RND3: variants seen among roughly 807,000 people sequenced by gnomAD.
The protein encoded by RND3 is rho-related GTP-binding protein RhoE.
A neutral mutation model predicts 26.5 loss-of-function variants in RND3; 8 were observed. The observed-to-expected ratio is 0.30, with a 90% CI of 0.18 to 0.54. RND3 has a LOEUF of 0.54. Among genes scored for constraint, RND3 ranks in the 20% least tolerant of loss-of-function variants. RND3 has a pLI of 0.94. For synonymous variants in RND3, 113 were observed against 113.0 expected, an observed-to-expected ratio of 1.00 and a Z score of 0.00; for missense variants, 207 against 302.8, an observed-to-expected ratio of 0.68 and a Z score of 2.35.
chr2:150,475,493 G>A (rs559486500), intron 3 of RND3, among the ~76,000 whole-genome samples: 1 of 152,296 alleles, frequency 6.6e-6, no homozygotes, highest in East Asian at 1.9e-4. Context: ...TATTACTGCT[G>A]TTAAAAGCTG....
rs1355235766 is a variant in RND3 at position 150,482,856 on chromosome 2, TG to T, written c.238+3837del. On this transcript the variant is annotated intron_variant, in intron 3 of 5. Coordinates refer to ENST00000263895, the MANE Select transcript of RND3 (RefSeq NM_005168.5). ...AAAAGGGCACTGGGGTTCAAGGACCTGACAAAATTAGGTGCATCATGAGTTG... is the reference window on the plus strand; with the variant it reads ...AAAAGGGCACTGGGGTTCAAGGACCTACAAAATTAGGTGCATCATGAGTTG... 1.2e-4 allele frequency among the ~76,000 whole-genome samples: 18 copies of T among 152,110 alleles called. 1 individual carries two copies. The highest frequency in any genetic ancestry group is 1.1e-3 in the Admixed American group (17 of 15,280).
chr2:150,482,919 T>C (rs1361281112), intron 3 of RND3, among the ~76,000 whole-genome samples: 1 of 152,174 alleles, frequency 6.6e-6, no homozygotes, highest in African/African-American at 2.4e-5. Context: ...GAGCTTCTTT[T>C]TCTCCATTAC....
At chr2:150,476,891 C>A (rs948157399) in intron 3 of RND3, among the ~76,000 whole-genome samples, 1 of 152,160 alleles carries the variant, frequency 6.6e-6, no homozygotes, top group Non-Finnish European at 1.5e-5. Flanking sequence ...CATATTAGTT[C>A]TAAGAAGTTC....
chr2:150,487,164 T>C (rs1231252429), intron 2 of RND3, 104 bp downstream of exon 2: 40 of 878,702 alleles, frequency 4.6e-5, no homozygotes, highest in East Asian at 1.2e-4. Flanking sequence ...TTTTTTCTTT[T>C]TTTTTTTTTT....
At chr2:150,481,906 A>G (rs966708271) in intron 3 of RND3, among the ~76,000 whole-genome samples, 46 of 152,324 alleles carry the variant, frequency 3.0e-4, no homozygotes, top group Non-Finnish European at 5.0e-4. Flanking sequence ...TCTAAATATA[A>G]CAGCTTAGAT....
chr2:150,478,116 AATATTG>A (rs1249198688), intron 3 of RND3, among the ~76,000 whole-genome samples: 1 of 152,168 alleles, frequency 6.6e-6, no homozygotes, highest in African/African-American at 2.4e-5. Flanking sequence ...CACAGTGAAA[AATATTG>A]ATATAGAATT....
chr2:150,481,210 G>A (rs1428506076), intron 3 of RND3, among the ~76,000 whole-genome samples: 2 of 152,202 alleles, frequency 1.3e-5, no homozygotes, highest in Non-Finnish European at 2.9e-5. Context: ...GAGTTAGGGA[G>A]CCTGGGCTGC....
chr2:150,487,028 A>T (rs1686383955), intron 2 of RND3: 2 of 604,602 alleles, frequency 3.3e-6, no homozygotes, highest in Admixed American at 5.8e-5. Flanking sequence ...GCACACAGGA[A>T]CGAACAAGTT....
chr2:150,473,490 T>TAG (rs1331579716), intron 4 of RND3, among the ~76,000 whole-genome samples: 1 of 152,208 alleles, frequency 6.6e-6, no homozygotes, highest in Non-Finnish European at 1.5e-5. Context: ...GTAATGACTT[T>TAG]GGCCTCCCTC....
rs1686406166 is a variant in RND3 at position 150,487,475 on chromosome 2, ATATATAT to A, written c.-38-27_-38-21del. The A allele has an allele frequency of 2.9e-5, 5 of 169,996 alleles. No homozygotes were observed. Among genetic ancestry groups the A allele is most frequent in the South Asian group, 3.6e-4 (2 of 5,574 alleles). The allele number at this position is 169,996 out of a possible 1,614,324, so 10.5% of individuals were successfully genotyped here. ...TTTTCTCTTAAGAAGAAAAAAAAAAATATATATATATATATATATTTCTCTCTTTATA... is the reference window on the plus strand; with the variant it reads ...TTTTCTCTTAAGAAGAAAAAAAAAAAATATATATATATTTCTCTCTTTATA... On this transcript the variant is annotated intron_variant, in intron 1 of 5. Coordinates refer to ENST00000263895, the MANE Select transcript of RND3 (RefSeq NM_005168.5).
At position 150,486,571 on chromosome 2, in the gene RND3, G is replaced by A; in HGVS notation, c.238+123C>T. ...AGGGATACAATTTTCGCCCAACAGG[G>A]ACCGTGGGAATCCCTTGGGAGGGGC... On this transcript the variant is annotated intron_variant, in intron 3 of 5. Transcript: ENST00000263895. The surrounding 1 kb of genome is among the most constrained non-coding windows in gnomAD (Gnocchi z 4.5). The A allele has an allele frequency of 2.6e-6, 2 of 782,244 alleles. No individual in the cohort carries two copies. The highest frequency in any genetic ancestry group is 4.6e-6 in the Non-Finnish European group (2 of 433,124). 48.5% of individuals were successfully genotyped at this position (782,244 alleles called of 1,614,324 possible). A position where few individuals can be genotyped will look rare whatever the true frequency, so the allele number is the denominator to read the frequency against.
In RND3 at chr2:150,469,849, G is replaced by C; in HGVS notation, c.*138C>G. On this transcript the variant is annotated 3_prime_UTR_variant, in exon 6 of 6. Transcript: ENST00000263895. ...GAACCTAAGGTCAGGATTCCAAAAA[G>C]ATGAGTATCCTCTCAAACGCCTCCT... 2 of 915,508 alleles carry C rather than the reference G, an allele frequency of 2.2e-6. No homozygotes were observed. Among genetic ancestry groups the C allele is most frequent in the Non-Finnish European group, 3.2e-6 (2 of 617,248 alleles). 56.7% of individuals were successfully genotyped at this position (915,508 alleles called of 1,614,324 possible). A position where few individuals can be genotyped will look rare whatever the true frequency, so the allele number is the denominator to read the frequency against.
intron 4 of RND3, 121 bp downstream of exon 4, chr2:150,474,754 T>C (rs563450859): frequency 4.7e-5 from 25 of 526,872 alleles, no homozygotes; most frequent in Admixed American, 3.8e-4. Flanking sequence ...TTCTTTCTAG[T>C]GTTTAATTAC....
chr2:150,475,625 A>C (rs946587953), intron 3 of RND3, among the ~76,000 whole-genome samples: 2 of 152,214 alleles, frequency 1.3e-5, no homozygotes, highest in Non-Finnish European at 1.5e-5. Context: ...TCAACTATGC[A>C]AAGAGAAACC....
rs759440612 is a variant in RND3, at chr2:150,471,711, G to T, written c.399C>A (p.Val133=). The T allele has an allele frequency of 1.2e-6, 2 of 1,612,644 alleles. No individual in the cohort carries two copies. The highest frequency in any genetic ancestry group is 1.7e-6 in the Non-Finnish European group (2 of 1,179,192). The change falls in exon 5 of 6, where the codon GTC becomes GTA. Residue 133 remains valine (V), a synonymous_variant. Coordinates refer to ENST00000263895, the MANE Select transcript of RND3 (RefSeq NM_005168.5). ...EFCPNTKMLL[V]GCKSDLRTDV... ...CTGTCCGCAGATCAGACTTGCAGCC[G>T]ACCAAGAGCATTTTGGTATTTGGAC...
chr2:150,482,717 A>G (rs13385628), intron 3 of RND3, among the ~76,000 whole-genome samples: 1,775 of 16,642 alleles, frequency 0.11, 37 homozygotes, highest in African/African-American at 0.27. Flanking sequence ...GGTGTGTGCA[A>G]TGGGCGGGGG....
At chr2:150,474,782 A>C in intron 4 of RND3, 93 bp downstream of exon 4, 1 of 657,806 alleles carries the variant, frequency 1.5e-6, no homozygotes, top group Non-Finnish European at 2.7e-6. Context: ...AAGGCAGGGA[A>C]TTGATTAGAG....
chr2:150,472,787 T>C (rs1686106612), intron 4 of RND3, among the ~76,000 whole-genome samples: 1 of 152,112 alleles, frequency 6.6e-6, no homozygotes, highest in African/African-American at 2.4e-5. Flanking sequence ...ATTCACAGAA[T>C]ACTGGGGGTG....
At chr2:150,472,905 A>G (rs987611586) in intron 4 of RND3, among the ~76,000 whole-genome samples, 2 of 152,166 alleles carry the variant, frequency 1.3e-5, no homozygotes, top group East Asian at 3.9e-4. Context: ...TACTTTGGGT[A>G]ACGAACTCTA....
Sources: gnomAD v4.1 joint callset for allele counts (sites outside exome capture counted in the v4.1 genomes callset) on GRCh38, gnomAD v4.1.1 for gene constraint, Gnocchi (gnomAD v3.1) non-coding constraint, MANE v1.5 for transcripts, NCBI Gene and HGNC (gene_info 2026-07-23, HGNC 2026-07-21) for gene names.